MYO1D: variants seen among roughly 807,000 people sequenced by gnomAD.
MYO1D encodes the protein myosin ID.
MYO1D carries 83 observed loss-of-function variants against 122.0 expected under a neutral mutation model. The observed-to-expected ratio is 0.68, with a 90% CI of 0.57 to 0.82. The LOEUF (loss-of-function observed/expected upper bound fraction) is 0.82. Among genes scored for constraint, MYO1D ranks in the 40% least tolerant of loss-of-function variants. The probability of loss-of-function intolerance (pLI) is 0.00; values close to 1 mark genes in which losing one functional copy is unlikely to be tolerated. For missense variants in MYO1D, 1,157 were observed against 1,269.5 expected, an observed-to-expected ratio of 0.91 and a Z score of 1.35; for synonymous variants, 464 against 446.9, an observed-to-expected ratio of 1.04 and a Z score of -0.48.
At chr17:32,598,167 A>C in intron 21 of MYO1D, among the ~76,000 whole-genome samples, 1 of 152,136 alleles carries the variant, frequency 6.6e-6, no homozygotes, top group East Asian at 1.9e-4. Flanking sequence ...TGAGGCCAGG[A>C]GTTCAAAACC....
intron 14 of MYO1D, among the ~76,000 whole-genome samples, chr17:32,730,682 T>C (rs1444093444): frequency 2.0e-5 from 3 of 152,150 alleles, no homozygotes; most frequent in African/African-American, 7.2e-5. Flanking sequence ...GCTTTTAAGA[T>C]ATTTTCTTTG....
At chr17:32,534,416 T>C (rs1437337503) in intron 21 of MYO1D, among the ~76,000 whole-genome samples, 12 of 152,132 alleles carry the variant, frequency 7.9e-5, no homozygotes, top group Admixed American at 3.3e-4. Context: ...CAAGTGATTC[T>C]CCCATCTCAG....
At chr17:32,534,969 A>G (rs1398144584) in intron 21 of MYO1D, among the ~76,000 whole-genome samples, 5 of 152,200 alleles carry the variant, frequency 3.3e-5, no homozygotes, top group Non-Finnish European at 2.9e-5. Flanking sequence ...AAGTTAACAC[A>G]CAAACGTTTT....
intron 21 of MYO1D, among the ~76,000 whole-genome samples, chr17:32,533,158 G>A (rs1050956861): frequency 6.6e-6 from 1 of 152,066 alleles, no homozygotes; most frequent in Admixed American, 6.5e-5. Context: ...ACTTTATTTT[G>A]TAAATTGATA....
rs552969738 is a variant in MYO1D, at chr17:32,772,920, T to C, written c.565-78A>G. 28 of 1,187,860 alleles carry C rather than the reference T, an allele frequency of 2.4e-5. No homozygotes were observed. In the East Asian group the frequency reaches 4.9e-4, roughly 21 times the overall value. The allele number at this position is 1,187,860 out of a possible 1,614,324, so 73.6% of individuals were successfully genotyped here. On this transcript the variant is annotated intron_variant, in intron 4 of 21. Transcript: ENST00000318217. ...AACAGGAGCCACTTTCTTAGGGAACTGTCAGGCCTCTGAGCCCAAGCCTGC... is the reference window on the plus strand; with the variant it reads ...AACAGGAGCCACTTTCTTAGGGAACCGTCAGGCCTCTGAGCCCAAGCCTGC...
chr17:32,663,623 T>C (rs919022114), intron 16 of MYO1D, among the ~76,000 whole-genome samples: 13 of 152,178 alleles, frequency 8.5e-5, no homozygotes, highest in Non-Finnish European at 1.8e-4. Flanking sequence ...TGCAGAGGCT[T>C]TCCTCATTTT....
intron 16 of MYO1D, among the ~76,000 whole-genome samples, chr17:32,665,173 T>C (rs2088620092): frequency 6.6e-6 from 1 of 152,210 alleles, no homozygotes; most frequent in Non-Finnish European, 1.5e-5. Context: ...CCTGGCCTTC[T>C]GATTTAAAAG....
intron 20 of MYO1D, among the ~76,000 whole-genome samples, chr17:32,623,002 C>A (rs1460693082): frequency 2.0e-5 from 3 of 152,112 alleles, no homozygotes; most frequent in Non-Finnish European, 2.9e-5. Context: ...TCTTTAAATG[C>A]AATATAAGAT....
chr17:32,699,596 G>T (rs1161535229), intron 16 of MYO1D, among the ~76,000 whole-genome samples: 2 of 152,188 alleles, frequency 1.3e-5, no homozygotes. Context: ...ATAACAGTAT[G>T]AAGTCCTTAT....
At position 32,494,657 on chromosome 17, in the gene MYO1D, C is replaced by G; in HGVS notation, c.*102G>C. The G allele has an allele frequency of 7.3e-7, 1 of 1,367,982 alleles. No individual in the cohort carries two copies. Among genetic ancestry groups the G allele is most frequent in the Non-Finnish European group, 9.7e-7 (1 of 1,030,610 alleles). 84.7% of individuals were successfully genotyped at this position (1,367,982 alleles called of 1,614,324 possible). ...GGGCGGGGCTCCTCTGGGAGGGGCC[C>G]TCGCAGCAGGTTTCTAGCGGGCATG... On this transcript the variant is annotated 3_prime_UTR_variant, in exon 22 of 22. Transcript: ENST00000318217.
chr17:32,854,513 A>T (rs966722386), intron 1 of MYO1D, among the ~76,000 whole-genome samples: 3 of 152,286 alleles, frequency 2.0e-5, no homozygotes, highest in Non-Finnish European at 4.4e-5. Flanking sequence ...GCCAATGGCA[A>T]ACAACAAATA....
chr17:32,526,433 GA>G (rs1228628706), intron 21 of MYO1D, among the ~76,000 whole-genome samples: 1 of 152,042 alleles, frequency 6.6e-6, no homozygotes, highest in Non-Finnish European at 1.5e-5. Context: ...TTATGAGTTT[GA>G]AAAAATCTTC....
chr17:32,543,447 G>A (rs1366737319), intron 21 of MYO1D, among the ~76,000 whole-genome samples: 1 of 149,898 alleles, frequency 6.7e-6, no homozygotes, highest in Non-Finnish European at 1.5e-5. Context: ...GTGGTGGCGG[G>A]CCCCTGTAGT....
chr17:32,723,162 G>A (rs997826987), intron 14 of MYO1D, among the ~76,000 whole-genome samples: 11 of 152,150 alleles, frequency 7.2e-5, no homozygotes, highest in Non-Finnish European at 7.4e-5. Flanking sequence ...GCTTGGACCC[G>A]AGTTCTGTGA....
intron 7 of MYO1D, among the ~76,000 whole-genome samples, chr17:32,765,588 A>G (rs972432129): frequency 3.3e-5 from 5 of 151,972 alleles, no homozygotes; most frequent in Non-Finnish European, 7.4e-5. Context: ...CCTCCTGAAG[A>G]GCTGGGACTA....
At chr17:32,719,481 G>T (rs1448333735) in intron 15 of MYO1D, among the ~76,000 whole-genome samples, 1 of 151,856 alleles carries the variant, frequency 6.6e-6, no homozygotes, top group Non-Finnish European at 1.5e-5. Context: ...TCCCCGAGTA[G>T]CTGGGACTAC....
At chr17:32,858,086 G>A (rs530536299) in intron 1 of MYO1D, among the ~76,000 whole-genome samples, 1 of 152,078 alleles carries the variant, frequency 6.6e-6, no homozygotes, top group Non-Finnish European at 1.5e-5. Flanking sequence ...TTAGACAACT[G>A]GAATCCTAGA....
At chr17:32,676,987 T>C (rs1236502200) in intron 16 of MYO1D, among the ~76,000 whole-genome samples, 2 of 151,960 alleles carry the variant, frequency 1.3e-5, no homozygotes, top group African/African-American at 4.8e-5. Flanking sequence ...ATTTTTTGTA[T>C]TTTTAGTAGA....
chr17:32,604,562 T>A (rs1328436956), intron 21 of MYO1D, among the ~76,000 whole-genome samples: 2 of 152,188 alleles, frequency 1.3e-5, no homozygotes, highest in Non-Finnish European at 2.9e-5. Flanking sequence ...TTCACCCCCC[T>A]GCCCCAGGTA....
Sources: allele counts gnomAD v4.1 joint callset (sites outside exome capture counted in the v4.1 genomes callset), GRCh38; gene constraint gnomAD v4.1.1; transcripts MANE v1.5; gene names NCBI Gene and HGNC (gene_info 2026-07-23, HGNC 2026-07-21).